Variants in SH3D19 observed in about 807,000 individuals in gnomAD.
SH3D19 encodes the protein SH3 domain-containing protein 19.
A neutral mutation model predicts 112.1 loss-of-function variants in SH3D19; 58 were observed. That is an observed-to-expected ratio of 0.52 (90% CI 0.42 to 0.64). The LOEUF (loss-of-function observed/expected upper bound fraction) is 0.64. SH3D19 is among the 30% of genes least tolerant of loss of function. The pLI is 0.00. For missense variants in SH3D19, 1,090 were observed against 1,263.4 expected (o/e 0.86, Z 2.08); for synonymous variants, 391 against 448.5 (o/e 0.87, Z 1.62).
At chr4:151,240,691 T>C (rs1294811242) in intron 1 of SH3D19, among the ~76,000 whole-genome samples, 2 of 152,042 alleles carry the variant, frequency 1.3e-5, no homozygotes, top group Middle Eastern at 3.4e-3. Context: ...ACGCTGCTGG[T>C]AGGAATGTAA....
At chr4:151,157,031 T>C (rs1158811722) in intron 9 of SH3D19, among the ~76,000 whole-genome samples, 3 of 152,114 alleles carry the variant, frequency 2.0e-5, no homozygotes, top group African/African-American at 7.2e-5. Flanking sequence ...GCCAGACAAC[T>C]GCTTGAATCC....
chr4:151,271,024 A>T (rs1773188310), intron 1 of SH3D19, among the ~76,000 whole-genome samples: 1 of 152,110 alleles, frequency 6.6e-6, no homozygotes, highest in Admixed American at 6.5e-5. Flanking sequence ...CTCAAGTTCA[A>T]GCAATCCTCC....
intron 1 of SH3D19, among the ~76,000 whole-genome samples, chr4:151,242,036 A>T (rs940629112): frequency 5.9e-5 from 9 of 152,014 alleles, no homozygotes; most frequent in African/African-American, 2.2e-4. Context: ...TACAAAAAAC[A>T]AAAAATTTGG....
chr4:151,208,209 C>G (rs1228844993), intron 2 of SH3D19, among the ~76,000 whole-genome samples: 1 of 152,162 alleles, frequency 6.6e-6, no homozygotes, highest in African/African-American at 2.4e-5. Context: ...AAGAGCAGAG[C>G]TGAGGCTTCC....
At chr4:151,281,122 G>A (rs1234557863) in intron 1 of SH3D19, among the ~76,000 whole-genome samples, 2 of 128,788 alleles carry the variant, frequency 1.6e-5, no homozygotes, top group African/African-American at 5.1e-5. Flanking sequence ...TGATGGCTGT[G>A]CAGCAGCCCA....
At chr4:151,282,105 C>T in intron 1 of SH3D19, 3 of 1,604,300 alleles carry the variant, frequency 1.9e-6, no homozygotes, top group Non-Finnish European at 1.7e-6. Flanking sequence ...CTGTTCTGAC[C>T]CAGCTGCAGG....
At chr4:151,276,953 G>C (rs1330590732) in intron 1 of SH3D19, among the ~76,000 whole-genome samples, 3 of 152,086 alleles carry the variant, frequency 2.0e-5, no homozygotes, top group Non-Finnish European at 4.4e-5. Flanking sequence ...AGGACAGCAG[G>C]GGGCGCCACA....
chr4:151,132,242 T>C, intron 17 of SH3D19, 89 bp downstream of exon 17: 3 of 1,022,778 alleles, frequency 2.9e-6, no homozygotes, highest in Non-Finnish European at 4.4e-6. Flanking sequence ...AATTAATTCA[T>C]ACTATATTCT....
At chr4:151,175,874 C>T (rs909035503) in intron 6 of SH3D19, among the ~76,000 whole-genome samples, 200 bp from the exon 7 acceptor site, 1 of 151,620 alleles carries the variant, frequency 6.6e-6, no homozygotes, top group Non-Finnish European at 1.5e-5. Flanking sequence ...CTTCATATAA[C>T]ACTTTTTTTT....
chr4:151,207,203 C>A (rs769973210), intron 2 of SH3D19, among the ~76,000 whole-genome samples: 141 of 152,176 alleles, frequency 9.3e-4, no homozygotes, highest in Non-Finnish European at 1.5e-3. Flanking sequence ...CAGTGCATCA[C>A]CACCTCATCG....
chr4:151,180,803 G>A lies in SH3D19; in HGVS notation c.194-1406C>T, dbSNP rs57351306. Among the ~76,000 whole-genome samples the A allele has an allele frequency of 5.3e-3, 795 of 149,478 alleles. 13 individuals are homozygous for A. Among genetic ancestry groups the A allele is most frequent in the East Asian group, 0.045 (227 of 5,078 alleles). On this transcript the variant is annotated intron_variant, in intron 3 of 19. Coordinates refer to ENST00000604030, the MANE Select transcript of SH3D19 (RefSeq NM_001378122.1). ...TTCTGAGATGGGGTCTCGCTCTGTC[G>A]CCCAGGCTGGAGTGCAGTGGCGCCA...
At position 151,128,180 on chromosome 4, in the gene SH3D19, C is replaced by A; in HGVS notation, c.2919G>T (p.Arg973Ser). The change falls in exon 18 of 20, where the codon AGG (arginine) becomes AGT (serine). Residue 973 changes from arginine to serine, a missense_variant. Transcript: ENST00000604030. ...TTGCGGTTGTCATACCTGGGCAGGG[C>A]CTCACAAACACTGCTGGGAAGATCC... ...REGIFPAVFV[R>S]PCPAEAKSML... The A allele has an allele frequency of 6.2e-7, 1 of 1,601,924 alleles. No individual in the cohort carries two copies.
rs150331297 is a variant in SH3D19 at position 151,283,708 on chromosome 4, G to A, written c.112+41533C>T. ...CACATACTTTTTTCATTTTTTTGTA[G>A]AGATGAGGTCTCACTATGTTGCCCA... is the stretch of plus-strand genomic sequence containing the variant. On this transcript the variant is annotated intron_variant, in intron 1 of 19. Transcript: ENST00000604030. Among the ~76,000 whole-genome samples the A allele has an allele frequency of 3.1e-3, 478 of 151,924 alleles. 1 individual carries two copies. The highest frequency in any genetic ancestry group is 5.0e-3 in the Non-Finnish European group (337 of 67,964).
In SH3D19 at chr4:151,151,792, T is replaced by C. The variant is rs567099200; in HGVS notation, c.1756-2231A>G. 7.9e-5 allele frequency among the ~76,000 whole-genome samples: 12 copies of C among 152,342 alleles called. No homozygotes were observed. In the South Asian group the frequency reaches 1.9e-3, roughly 24 times the overall value. On this transcript the variant is annotated intron_variant, in intron 9 of 19. Transcript: ENST00000604030. ...ATGATGCTTGAAAAATGCATTTATTTCTTTGGCTACCTTTAAAATTAAAAC... is the reference window on the plus strand; with the variant it reads ...ATGATGCTTGAAAAATGCATTTATTCCTTTGGCTACCTTTAAAATTAAAAC...
chr4:151,174,559 T>A (rs1759609520), intron 7 of SH3D19, 111 bp downstream of exon 7: 2 of 944,432 alleles, frequency 2.1e-6, no homozygotes, highest in Admixed American at 3.0e-5. Flanking sequence ...GTGCACATAC[T>A]TGTATACACA....
intron 1 of SH3D19, among the ~76,000 whole-genome samples, chr4:151,298,030 A>C (rs1470936235): frequency 3.3e-5 from 5 of 152,186 alleles, no homozygotes; most frequent in African/African-American, 4.8e-5. Flanking sequence ...GCCATGAGCC[A>C]GGCAATACAG....
chr4:151,238,585 G>T (rs1227120389), intron 1 of SH3D19, among the ~76,000 whole-genome samples: 4 of 151,966 alleles, frequency 2.6e-5, no homozygotes, highest in Non-Finnish European at 4.4e-5. Context: ...GTAACCAAAA[G>T]ACTCCTTCAC....
Position 151,197,568 on chromosome 4 carries a change from G to A in SH3D19, c.153-10105C>T, listed in dbSNP as rs141341878. On this transcript the variant is annotated intron_variant, in intron 2 of 19. Coordinates refer to ENST00000604030, the MANE Select transcript of SH3D19 (RefSeq NM_001378122.1). ...GGGAAGAGCCTTAACCTCAACATGT[G>A]ATATTTTCAAACGAGAGCATATTCA... Among the ~76,000 whole-genome samples, 4 of 152,262 alleles carry A rather than the reference G, an allele frequency of 2.6e-5. No individual in the cohort carries two copies. In the East Asian group the frequency reaches 7.7e-4, roughly 29 times the overall value.
chr4:151,325,467 C>T lies in SH3D19; in HGVS notation c.-115G>A, dbSNP rs936145287. ...CCCTCGGGCCGGGGGGAAGGCGGCT[C>T]CCGGAGAGGAGGCGTCGGCGGCGGC... On this transcript the variant is annotated 5_prime_UTR_variant, in exon 1 of 20. Coordinates refer to ENST00000604030, the MANE Select transcript of SH3D19 (RefSeq NM_001378122.1). 2.6e-5 allele frequency: 11 copies of T among 420,010 alleles called. 1 individual carries two copies. The Admixed American group carries it at 4.4e-4, about 17-fold the overall frequency. 26.0% of individuals were successfully genotyped at this position (420,010 alleles called of 1,614,324 possible).
Sources: allele counts gnomAD v4.1 joint callset (sites outside exome capture counted in the v4.1 genomes callset), GRCh38; gene constraint gnomAD v4.1.1; transcripts MANE v1.5; gene names NCBI Gene and HGNC (gene_info 2026-07-23, HGNC 2026-07-21).